ARHGEF10L: variants seen among roughly 807,000 people sequenced by gnomAD.
ARHGEF10L encodes Rho guanine nucleotide exchange factor 10 like, also known as rho guanine nucleotide exchange factor 10-like protein.
ARHGEF10L carries 69 observed loss-of-function variants against 141.2 expected under a neutral mutation model. The ratio of observed to expected loss-of-function variants is 0.49; its 90% confidence interval spans 0.40 to 0.60. ARHGEF10L has a LOEUF of 0.60. ARHGEF10L is among the 20% of genes least tolerant of loss of function. The pLI, the probability that ARHGEF10L is intolerant of heterozygous loss-of-function variation, is 0.00. For missense variants in ARHGEF10L, 1,482 were observed against 1,734.3 expected (o/e 0.85, Z 2.58); for synonymous variants, 711 against 718.5 (o/e 0.99, Z 0.17).
At chr1:17,533,953 T>TTTC in the ARHGEF10L span, among the ~76,000 whole-genome samples, 2 of 151,790 alleles carry the variant, frequency 1.3e-5, no homozygotes, top group Non-Finnish European at 2.9e-5. Context: ...ATCCACCCAC[T>TTTC]TTCTTCTTCT....
the ARHGEF10L span, among the ~76,000 whole-genome samples, chr1:17,527,381 CA>C: frequency 6.6e-6 from 1 of 152,198 alleles, no homozygotes; most frequent in East Asian, 1.9e-4. Context: ...GCTCCACACA[CA>C]ATTCTGAGAC....
At chr1:17,599,999 A>G (rs2080486915) in intron 4 of ARHGEF10L, among the ~76,000 whole-genome samples, 1 of 152,198 alleles carries the variant, frequency 6.6e-6, no homozygotes, top group Non-Finnish European at 1.5e-5. Flanking sequence ...CATTCTCGCC[A>G]CCACCACCGC....
At chr1:17,569,720 C>T (rs1320582996) in intron 1 of ARHGEF10L, among the ~76,000 whole-genome samples, 2 of 152,180 alleles carry the variant, frequency 1.3e-5, no homozygotes, top group East Asian at 3.9e-4. Flanking sequence ...TGAATAGACG[C>T]CAGGGTCTCA....
At chr1:17,524,022 C>T in the ARHGEF10L span, among the ~76,000 whole-genome samples, 1 of 152,120 alleles carries the variant, frequency 6.6e-6, no homozygotes, top group Non-Finnish European at 1.5e-5. Flanking sequence ...GCCTATAATC[C>T]CAGCACTTTG....
At chr1:17,581,073 G>T (rs191486713) in intron 2 of ARHGEF10L, among the ~76,000 whole-genome samples, 1 of 152,196 alleles carries the variant, frequency 6.6e-6, no homozygotes, top group East Asian at 1.9e-4. Flanking sequence ...CCAGCACTTT[G>T]GGAGGCCGAG....
chr1:17,609,151 G>T (rs975322544), intron 7 of ARHGEF10L, among the ~76,000 whole-genome samples: 1 of 152,242 alleles, frequency 6.6e-6, no homozygotes, highest in Non-Finnish European at 1.5e-5. Context: ...CATGGGCAGG[G>T]TGGGGACAAG....
At chr1:17,535,345 T>C (rs2076559830), upstream of ARHGEF10L, among the ~76,000 whole-genome samples, 1 of 152,192 alleles carries the variant, frequency 6.6e-6, no homozygotes. Context: ...AGATGAAGCT[T>C]GCTTACCTGC....
chr1:17,600,079 C>G (rs778551803), intron 4 of ARHGEF10L, among the ~76,000 whole-genome samples: 2 of 152,192 alleles, frequency 1.3e-5, no homozygotes, highest in Non-Finnish European at 2.9e-5. Flanking sequence ...ACAAGCTGGC[C>G]TCATGGTCTG....
intron 12 of ARHGEF10L, 23 bp from the exon 13 acceptor site, chr1:17,624,364 G>T: frequency 6.3e-7 from 1 of 1,590,216 alleles, no homozygotes. Context: ...CGGTCTCCCT[G>T]GCCCACACCT....
chr1:17,637,132 G>A (rs527521489), intron 18 of ARHGEF10L, among the ~76,000 whole-genome samples: 166 of 152,280 alleles, frequency 1.1e-3, no homozygotes, highest in Non-Finnish European at 2.1e-3. Context: ...CATAAGCTCC[G>A]GAAGAATGAG....
intron 2 of ARHGEF10L, among the ~76,000 whole-genome samples, chr1:17,585,291 G>A (rs2078932048): frequency 6.6e-6 from 1 of 152,148 alleles, no homozygotes; most frequent in African/African-American, 2.4e-5. Flanking sequence ...CTGGGTTCCA[G>A]TCCATCCCCA....
intron 27 of ARHGEF10L, among the ~76,000 whole-genome samples, chr1:17,689,376 A>T (rs574487655): frequency 7.0e-6 from 1 of 143,278 alleles, no homozygotes; most frequent in Non-Finnish European, 1.5e-5. Context: ...GTGCCCGATG[A>T]GACTGAACCC....
intron 9 of ARHGEF10L, among the ~76,000 whole-genome samples, chr1:17,616,846 C>G (rs1026991348): frequency 6.6e-6 from 1 of 152,142 alleles, no homozygotes; most frequent in Non-Finnish European, 1.5e-5. Context: ...GAGGAGCGAG[C>G]GGGTGTGCAG....
At chr1:17,613,260 C>T in intron 8 of ARHGEF10L, 86 bp downstream of exon 8, 2 of 1,153,624 alleles carry the variant, frequency 1.7e-6, no homozygotes. Flanking sequence ...TGCCCTGGTA[C>T]CACGAAGCCT....
intron 22 of ARHGEF10L, among the ~76,000 whole-genome samples, chr1:17,652,930 C>G (rs1421932968): frequency 6.6e-6 from 1 of 152,214 alleles, no homozygotes; most frequent in Non-Finnish European, 1.5e-5. Flanking sequence ...CTTCACCAAC[C>G]TCAGCCAGAA....
At chr1:17,648,308 G>C (rs2061712642) in intron 21 of ARHGEF10L, among the ~76,000 whole-genome samples, 1 of 152,202 alleles carries the variant, frequency 6.6e-6, no homozygotes, top group African/African-American at 2.4e-5. Context: ...ACTGGCACAG[G>C]GTTGTTCAGC....
chr1:17,657,630 C>T (rs527658471), intron 25 of ARHGEF10L, among the ~76,000 whole-genome samples: 1 of 151,674 alleles, frequency 6.6e-6, no homozygotes, highest in African/African-American at 2.4e-5. Context: ...TTTTTTGCCA[C>T]TTGGCACTGT....
Position 17,623,195 on chromosome 1 carries a change from T to G in ARHGEF10L, c.1200+20T>G. ...GCCTCGGTAAGTGTCCCCAAACTTT[T>G]TCCCCAGCCCACCAAGGTAAAACCA... On this transcript the variant is annotated intron_variant, in intron 12 of 28. Transcript: ENST00000361221. This position sits in a 1 kb window ranked among gnomAD's most constrained non-coding sequence, Gnocchi z 4.7. 6.2e-7 allele frequency: 1 copy of G among 1,607,962 alleles called. No individual in the cohort carries two copies. Among genetic ancestry groups the G allele is most frequent in the Non-Finnish European group, 8.5e-7 (1 of 1,177,028 alleles).
intron 9 of ARHGEF10L, among the ~76,000 whole-genome samples, chr1:17,617,700 A>G (rs2059883228): frequency 6.6e-6 from 1 of 152,200 alleles, no homozygotes; most frequent in Admixed American, 6.5e-5. Flanking sequence ...TCATCCTAGA[A>G]AATTCTGTAA....
Sources: gnomAD v4.1 joint callset for allele counts (sites outside exome capture counted in the v4.1 genomes callset) on GRCh38, gnomAD v4.1.1 for gene constraint, Gnocchi (gnomAD v3.1) non-coding constraint, MANE v1.5 for transcripts, NCBI Gene and HGNC (gene_info 2026-07-23, HGNC 2026-07-21) for gene names.